DNAJB6: variants seen among roughly 807,000 people sequenced by gnomAD.
The protein encoded by DNAJB6 is DnaJ heat shock protein family (Hsp40) member B6.
A neutral mutation model predicts 42.7 loss-of-function variants in DNAJB6; 16 were observed. The ratio of observed to expected loss-of-function variants is 0.37; its 90% CI spans 0.25 to 0.57. The LOEUF (loss-of-function observed/expected upper bound fraction) is 0.57. Among genes scored for constraint, DNAJB6 ranks in the 20% least tolerant of loss-of-function variants. DNAJB6 has a pLI of 0.74. For synonymous variants in DNAJB6, 170 were observed against 163.5 expected, an observed-to-expected ratio of 1.04 and a Z score of -0.30; for missense variants, 347 against 416.8, an observed-to-expected ratio of 0.83 and a Z score of 1.46.
At chr7:157,382,161 A>G in intron 5 of DNAJB6, 85 bp from the exon 6 acceptor site, 1 of 1,443,386 alleles carries the variant, frequency 6.9e-7, no homozygotes, top group Non-Finnish European at 9.2e-7. Context: ...TGTTACAAAC[A>G]TCTATTTTCT....
intron 1 of DNAJB6, among the ~76,000 whole-genome samples, chr7:157,357,485 A>T (rs572961939): frequency 6.6e-6 from 1 of 150,720 alleles, no homozygotes; most frequent in Non-Finnish European, 1.5e-5. Context: ...TAATTTTTGT[A>T]TTTTTAGTAG....
chr7:157,353,754 C>T (rs1799131340), intron 1 of DNAJB6, among the ~76,000 whole-genome samples: 1 of 152,116 alleles, frequency 6.6e-6, no homozygotes, highest in South Asian at 2.1e-4. Flanking sequence ...TGACAACCTT[C>T]CTGGCTCAAG....
intron 8 of DNAJB6, among the ~76,000 whole-genome samples, chr7:157,405,011 C>G (rs1051020099): frequency 6.6e-6 from 1 of 152,152 alleles, no homozygotes; most frequent in South Asian, 2.1e-4. Flanking sequence ...GGCCCTTCCC[C>G]GCATGAAAGG....
At chr7:157,371,248 A>G (rs1297903387) in intron 5 of DNAJB6, among the ~76,000 whole-genome samples, 2 of 152,256 alleles carry the variant, frequency 1.3e-5, no homozygotes. Context: ...CTGTTGACAA[A>G]TCATATTTAC....
At chr7:157,383,714 CTTAA>C (rs1238484094) in intron 6 of DNAJB6, among the ~76,000 whole-genome samples, 2 of 151,850 alleles carry the variant, frequency 1.3e-5, no homozygotes, top group Non-Finnish European at 2.9e-5. Context: ...CTTAGCGAGG[CTTAA>C]TTGAGACCAG....
At chr7:157,401,500 C>T (rs904791062) in intron 8 of DNAJB6, among the ~76,000 whole-genome samples, 4 of 152,196 alleles carry the variant, frequency 2.6e-5, no homozygotes, top group South Asian at 2.1e-4. Context: ...CATGAGCCAC[C>T]GTGCTTGACC....
intron 8 of DNAJB6, among the ~76,000 whole-genome samples, chr7:157,407,809 C>A (rs186494069): frequency 1.4e-4 from 22 of 152,352 alleles, no homozygotes; most frequent in Non-Finnish European, 7.4e-5. Context: ...TGCCAGGGTC[C>A]AGGCAGCTGG....
chr7:157,385,399 G>A (rs1260627001), intron 7 of DNAJB6, 142 bp from the exon 8 acceptor site: 1 of 831,002 alleles, frequency 1.2e-6, no homozygotes, highest in Non-Finnish European at 1.9e-6. Flanking sequence ...GTTGTTGACA[G>A]GTTGGCTTCA....
At chr7:157,404,337 C>T (rs907130749) in intron 8 of DNAJB6, among the ~76,000 whole-genome samples, 2 of 151,490 alleles carry the variant, frequency 1.3e-5, no homozygotes, top group Non-Finnish European at 2.9e-5. Flanking sequence ...GTCAGTTAGG[C>T]TGGAGTGCAG....
At chr7:157,351,122 CAG>C (rs1198710105) in intron 1 of DNAJB6, among the ~76,000 whole-genome samples, 4 of 151,930 alleles carry the variant, frequency 2.6e-5, no homozygotes, top group African/African-American at 9.7e-5. Context: ...TTAGTAGAGA[CAG>C]AGTTTCTCCA....
intron 5 of DNAJB6, among the ~76,000 whole-genome samples, chr7:157,367,879 A>G (rs1053972984): frequency 6.6e-6 from 1 of 151,960 alleles, no homozygotes; most frequent in African/African-American, 2.4e-5. Context: ...AAAAGTTAAC[A>G]TTGTATTTTG....
chr7:157,365,883 C>T (rs762437200), intron 3 of DNAJB6, among the ~76,000 whole-genome samples: 17 of 151,600 alleles, frequency 1.1e-4, no homozygotes, highest in South Asian at 2.1e-4. Flanking sequence ...AGGCTGCTCT[C>T]GAACTCCTGA....
chr7:157,391,295 G>C (rs553443551), intron 8 of DNAJB6, among the ~76,000 whole-genome samples: 99 of 152,332 alleles, frequency 6.5e-4, no homozygotes, highest in Middle Eastern at 3.4e-3. Context: ...CTGCTCGTCA[G>C]CTCTAAGCCA....
intron 1 of DNAJB6, among the ~76,000 whole-genome samples, chr7:157,347,974 T>C (rs1798773033): frequency 6.6e-6 from 1 of 151,150 alleles, no homozygotes; most frequent in African/African-American, 2.4e-5. Context: ...TTTTGTATTT[T>C]TAGTAGAGAT....
At chr7:157,398,983 A>G (rs1326899178) in intron 8 of DNAJB6, among the ~76,000 whole-genome samples, 1 of 152,270 alleles carries the variant, frequency 6.6e-6, no homozygotes, top group East Asian at 1.9e-4. Flanking sequence ...TTAAAAGGCT[A>G]TATAGAAAGA....
rs886042415 is a variant in DNAJB6, at chr7:157,384,857, T to G, written c.479-10T>G. 1 of 1,606,000 alleles carries G rather than the reference T, an allele frequency of 6.2e-7. No homozygotes were observed. The highest frequency in any genetic ancestry group is 8.5e-7 in the Non-Finnish European group (1 of 1,177,584). On this transcript the variant is annotated splice_polypyrimidine_tract_variant and intron_variant, in intron 6 of 9. Transcript: ENST00000262177. ...TTCTTTAAGCATTTTTCTTTTCTGT[T>G]TTCCTGTAGGATTTACTTCATTTGG...
In DNAJB6 at chr7:157,416,710, AAT is replaced by A. The variant is rs1796113453; in HGVS notation, c.*615_*616del. On this transcript the variant is annotated 3_prime_UTR_variant, in exon 10 of 10. Transcript: ENST00000262177. The stretch of plus-strand genomic sequence containing the variant: ...TGCAGGTAGTGCAAATTCAACTTCA[AAT>A]ATGGTGTAGGTTTTGCTAGATTCCA... 1 of 152,304 alleles carries A rather than the reference AAT, an allele frequency of 6.6e-6. No individual in the cohort carries two copies. Among genetic ancestry groups the A allele is most frequent in the Admixed American group, 6.5e-5 (1 of 15,288 alleles). The allele number at this position is 152,304 out of a possible 1,614,324, so 9.4% of individuals were successfully genotyped here. A position where few individuals can be genotyped will look rare whatever the true frequency, so the allele number is the denominator to read the frequency against.
chr7:157,341,000 G>GCGCGCGCGCT (rs778274297), intron 1 of DNAJB6, among the ~76,000 whole-genome samples: 13 of 147,534 alleles, frequency 8.8e-5, no homozygotes, highest in Non-Finnish European at 1.8e-4. Flanking sequence ...GTGTGTGTGC[G>GCGCGCGCGCT]CGCGCGCAGG....
rs1396333506 is a variant in DNAJB6, at chr7:157,337,101, A to ACCCTGCCTC, written c.-63_-55dup. 6.6e-6 allele frequency: 1 copy of ACCCTGCCTC among 152,424 alleles called. No individual in the cohort carries two copies. The highest frequency in any genetic ancestry group is 1.9e-4 in the East Asian group (1 of 5,202). The allele number at this position is 152,424 out of a possible 1,614,324, so 9.4% of individuals were successfully genotyped here. On this transcript the variant is annotated 5_prime_UTR_variant, in exon 1 of 10. Coordinates refer to ENST00000262177, the MANE Select transcript of DNAJB6 (RefSeq NM_058246.4). ...GAGCTGTGAGGAGATTCGGGCCGTCACCCTGCCTCCCCTGCGTCCCGCCAC... is the reference window on the plus strand; with the variant it reads ...GAGCTGTGAGGAGATTCGGGCCGTCACCCTGCCTCCCCTGCCTCCCCTGCGTCCCGCCAC...
Sources: gnomAD v4.1 joint callset for allele counts (sites outside exome capture counted in the v4.1 genomes callset) on GRCh38, gnomAD v4.1.1 for gene constraint, MANE v1.5 for transcripts, NCBI Gene and HGNC (gene_info 2026-07-23, HGNC 2026-07-21) for gene names.